Variants in WDR27 observed in about 807,000 individuals in gnomAD.
WDR27 encodes the protein WD repeat-containing protein 27.
Under a neutral mutation model 114.4 loss-of-function variants are expected in WDR27, and 100 were observed. That is an observed-to-expected ratio of 0.87 (90% CI 0.74 to 1.03). The LOEUF (loss-of-function observed/expected upper bound fraction) is 1.03. WDR27 is among the 50% of genes least tolerant of loss of function. The probability of loss-of-function intolerance (pLI) is 0.00; values close to 1 mark genes in which losing one functional copy is unlikely to be tolerated. For missense variants in WDR27, 1,129 were observed against 1,092.9 expected (o/e 1.03, Z -0.47); for synonymous variants, 449 against 423.1 (o/e 1.06, Z -0.75).
chr6:169,642,870 T>A (rs1584833151), intron 17 of WDR27, among the ~76,000 whole-genome samples: 1 of 152,208 alleles, frequency 6.6e-6, no homozygotes, highest in African/African-American at 2.4e-5. Flanking sequence ...GTGTCCCATA[T>A]TCGCAATGCT....
chr6:169,653,996 C>G (rs910380645), intron 13 of WDR27, among the ~76,000 whole-genome samples: 2 of 152,226 alleles, frequency 1.3e-5, no homozygotes, highest in Non-Finnish European at 2.9e-5. Flanking sequence ...TGCACCCAAA[C>G]CCCTAGAAAG....
chr6:169,493,406 T>C (rs1790018191), intron 25 of WDR27, among the ~76,000 whole-genome samples: 1 of 152,098 alleles, frequency 6.6e-6, no homozygotes, highest in Non-Finnish European at 1.5e-5. Context: ...CGAAAAAAGT[T>C]TAAGAAATCC....
intron 25 of WDR27, among the ~76,000 whole-genome samples, chr6:169,567,125 T>A (rs1217451587): frequency 2.0e-5 from 3 of 152,178 alleles, no homozygotes; most frequent in Non-Finnish European, 4.4e-5. Flanking sequence ...TGGAAATGAG[T>A]CAGGCACTTT....
chr6:169,651,676 G>T (rs960483197), intron 14 of WDR27, among the ~76,000 whole-genome samples: 1 of 152,060 alleles, frequency 6.6e-6, no homozygotes, highest in African/African-American at 2.4e-5. Context: ...GGACCACCAC[G>T]TTATCAGAAA....
downstream of WDR27, among the ~76,000 whole-genome samples, chr6:169,454,382 G>A (rs866487005): frequency 1.3e-5 from 2 of 152,056 alleles, 1 homozygote; most frequent in Middle Eastern, 6.3e-3. Context: ...CAGGCTGCTT[G>A]ACCTGCATGT....
chr6:169,686,777 G>A (rs1025557625), intron 2 of WDR27, among the ~76,000 whole-genome samples: 2 of 152,090 alleles, frequency 1.3e-5, no homozygotes, highest in Non-Finnish European at 2.9e-5. Context: ...AAGAAATTTG[G>A]TACATATACA....
intron 25 of WDR27, among the ~76,000 whole-genome samples, chr6:169,567,620 G>A (rs1199423604): frequency 6.6e-6 from 1 of 152,126 alleles, no homozygotes; most frequent in African/African-American, 2.4e-5. Flanking sequence ...AAGGCGGCGT[G>A]CTGAGAAACA....
chr6:169,657,415 G>C (rs147844204), intron 13 of WDR27, among the ~76,000 whole-genome samples: 1 of 152,206 alleles, frequency 6.6e-6, no homozygotes, highest in Non-Finnish European at 1.5e-5. Flanking sequence ...CAGCCTAGCC[G>C]AGCCCGGCCC....
At chr6:169,478,194 T>A (rs1260073384) in intron 25 of WDR27, among the ~76,000 whole-genome samples, 1 of 152,050 alleles carries the variant, frequency 6.6e-6, no homozygotes, top group Non-Finnish European at 1.5e-5. Context: ...GTGGTGGAGG[T>A]CACATGATGA....
At chr6:169,665,430 C>T (rs1414972593) in intron 7 of WDR27, 56 bp downstream of exon 7, 3 of 1,574,488 alleles carry the variant, frequency 1.9e-6, no homozygotes, top group Admixed American at 1.9e-5. Flanking sequence ...CCTTTGTGTA[C>T]AAGCTCACGT....
At chr6:169,606,594 G>A (rs1809238685) in intron 22 of WDR27, among the ~76,000 whole-genome samples, 1 of 152,126 alleles carries the variant, frequency 6.6e-6, no homozygotes, top group Non-Finnish European at 1.5e-5. Context: ...TTAGTTTGCT[G>A]AGGATAATGG....
chr6:169,640,155 G>A (rs1267341033), intron 17 of WDR27, among the ~76,000 whole-genome samples: 2 of 152,144 alleles, frequency 1.3e-5, no homozygotes, highest in Admixed American at 6.5e-5. Context: ...AGCTCACAGG[G>A]AATGGGTAAC....
intron 25 of WDR27, among the ~76,000 whole-genome samples, chr6:169,544,977 C>T (rs982045870): frequency 1.3e-5 from 2 of 152,208 alleles, no homozygotes; most frequent in Non-Finnish European, 2.9e-5. Context: ...AATGTAAATT[C>T]TCCCCTAGAT....
chr6:169,487,749 A>C (rs1158112744), intron 25 of WDR27, among the ~76,000 whole-genome samples: 2 of 152,244 alleles, frequency 1.3e-5, no homozygotes, highest in Non-Finnish European at 2.9e-5. Context: ...CACCAAACTC[A>C]GAACATCCTT....
At chr6:169,682,273 T>G (rs1781738398) in intron 2 of WDR27, among the ~76,000 whole-genome samples, 2 of 152,142 alleles carry the variant, frequency 1.3e-5, no homozygotes, top group Non-Finnish European at 2.9e-5. Context: ...TCACTGCTGT[T>G]AGAAAACTAT....
intron 25 of WDR27, among the ~76,000 whole-genome samples, chr6:169,552,277 C>T (rs992033900): frequency 1.3e-5 from 2 of 152,234 alleles, no homozygotes; most frequent in Non-Finnish European, 2.9e-5. Flanking sequence ...CCATAGAACC[C>T]GTGGCCTTTT....
chr6:169,621,962 G>C (rs1166565243), intron 21 of WDR27, among the ~76,000 whole-genome samples: 2 of 152,160 alleles, frequency 1.3e-5, no homozygotes, highest in Non-Finnish European at 2.9e-5. Context: ...AAATCACCAA[G>C]CTAAAGGGAA....
intron 14 of WDR27, among the ~76,000 whole-genome samples, chr6:169,649,718 C>T (rs1037410441): frequency 1.5e-4 from 23 of 151,978 alleles, no homozygotes; most frequent in Admixed American, 1.2e-3. Flanking sequence ...CCAACCATCA[C>T]CCATCCATTC....
intron 6 of WDR27, 77 bp from the exon 7 acceptor site, chr6:169,665,633 T>C: frequency 7.4e-7 from 1 of 1,355,794 alleles, no homozygotes; most frequent in Non-Finnish European, 1.0e-6. Flanking sequence ...CAGTTTTACT[T>C]ATCTCTTTAC....
Sources: gnomAD v4.1 joint callset for allele counts (sites outside exome capture counted in the v4.1 genomes callset) on GRCh38, gnomAD v4.1.1 for gene constraint, MANE v1.5 for transcripts, NCBI Gene and HGNC (gene_info 2026-07-23, HGNC 2026-07-21) for gene names.